SH3BP4: variants seen among roughly 807,000 people sequenced by gnomAD.
SH3BP4 encodes SH3 domain-binding protein 4.
SH3BP4 carries 33 observed loss-of-function variants against 65.5 expected under a neutral mutation model. The ratio of observed to expected loss-of-function variants is 0.50; its 90% CI spans 0.38 to 0.67. The LOEUF is 0.67. SH3BP4 is among the 30% of genes least tolerant of loss of function. The pLI, the probability that SH3BP4 is intolerant of heterozygous loss-of-function variation, is 0.00. For missense variants in SH3BP4, 1,134 were observed against 1,261.4 expected, an observed-to-expected ratio of 0.90 and a Z score of 1.53; for synonymous variants, 552 against 545.5, an observed-to-expected ratio of 1.01 and a Z score of -0.17.
intron 2 of SH3BP4, among the ~76,000 whole-genome samples, chr2:235,011,315 C>T (rs1362442367): frequency 6.6e-6 from 1 of 152,216 alleles, no homozygotes; most frequent in Non-Finnish European, 1.5e-5. Context: ...AAATATCTGC[C>T]TTCATTGTTA....
chr2:234,962,936 GAC>G (rs2106241650), intron 1 of SH3BP4, among the ~76,000 whole-genome samples: 1 of 152,000 alleles, frequency 6.6e-6, no homozygotes, highest in East Asian at 1.9e-4. Flanking sequence ...TTTTAGTAGA[GAC>G]ACAGTTTCAC....
intron 2 of SH3BP4, chr2:235,008,603 G>T (rs1295384944): frequency 6.6e-6 from 1 of 152,114 alleles, no homozygotes; most frequent in Non-Finnish European, 1.5e-5. Flanking sequence ...CTTGGTTCTG[G>T]CAGTGTCCTC....
At chr2:235,039,775 A>G (rs1249129592) in intron 3 of SH3BP4, among the ~76,000 whole-genome samples, 3 of 152,208 alleles carry the variant, frequency 2.0e-5, no homozygotes, top group African/African-American at 7.2e-5. Context: ...TACAGAGTTC[A>G]ATGGCAGGAG....
At position 234,974,127 on chromosome 2, in the gene SH3BP4, A is replaced by G. The variant is rs975937280; in HGVS notation, c.-206-21176A>G. ...ACCCCTGTAATCCCAGCACTTTGGG[A>G]GGCCGAGGCAGGTGGATCACCTGAG... is the stretch of plus-strand genomic sequence containing the variant. On this transcript the variant is annotated intron_variant, in intron 1 of 5. Coordinates refer to ENST00000392011, the MANE Select transcript of SH3BP4 (RefSeq NM_014521.3). This position sits in a 1 kb window ranked among gnomAD's most constrained non-coding sequence, Gnocchi z 4.6. 6.6e-6 allele frequency among the ~76,000 whole-genome samples: 1 copy of G among 152,086 alleles called. No homozygotes were observed. Among genetic ancestry groups the G allele is most frequent in the East Asian group, 2.0e-4 (1 of 5,122 alleles).
chr2:235,042,983 G>A lies in SH3BP4; in HGVS notation c.2214G>A (p.Ser738=), dbSNP rs768084091. The part of the protein sequence containing the change: ...SLCSGPELST[S]VLLEQILRPC... ...GCTCGGGCCCCGAGCTGAGCACCTC[G>A]GTGCTGCTGGAGCAGATCCTGCGGC... The change falls in exon 4 of 6, where the codon TCG becomes TCA. Residue 738 remains serine (S), a synonymous_variant. Coordinates refer to ENST00000392011, the MANE Select transcript of SH3BP4 (RefSeq NM_014521.3). This position sits in a 1 kb window ranked among gnomAD's most constrained non-coding sequence, Gnocchi z 7.3. 35 of 1,612,206 alleles carry A rather than the reference G, an allele frequency of 2.2e-5. No individual in the cohort carries two copies. Among genetic ancestry groups the A allele is most frequent in the East Asian group, 4.5e-5 (2 of 44,808 alleles).
Position 235,034,885 on chromosome 2 carries a change from C to A in SH3BP4, c.-118C>A. The stretch of plus-strand genomic sequence containing the variant: ...TCTACTTTCAGGAAGAAACATATTG[C>A]CGAGTGGATGCCGCCGCGCAGCGTG... On this transcript the variant is annotated 5_prime_UTR_variant, in exon 3 of 6. Coordinates refer to ENST00000392011, the MANE Select transcript of SH3BP4 (RefSeq NM_014521.3). This position sits in a 1 kb window ranked among gnomAD's most constrained non-coding sequence, Gnocchi z 6.2. 2 of 772,818 alleles carry A rather than the reference C, an allele frequency of 2.6e-6. No individual in the cohort carries two copies. Among genetic ancestry groups the A allele is most frequent in the Admixed American group, 4.8e-5 (2 of 41,270 alleles). 47.9% of individuals were successfully genotyped at this position (772,818 alleles called of 1,614,324 possible). A position where few individuals can be genotyped will look rare whatever the true frequency, so the allele number is the denominator to read the frequency against.
intron 1 of SH3BP4, among the ~76,000 whole-genome samples, chr2:234,953,501 A>G (rs1692522604): frequency 6.6e-6 from 1 of 152,100 alleles, no homozygotes; most frequent in African/African-American, 2.4e-5. Flanking sequence ...GCTTTCCTTG[A>G]GATCCGTGGC....
At chr2:235,010,415 C>T (rs992863162) in intron 2 of SH3BP4, among the ~76,000 whole-genome samples, 1 of 152,180 alleles carries the variant, frequency 6.6e-6, no homozygotes, top group Non-Finnish European at 1.5e-5. Flanking sequence ...GGCTGGAAAA[C>T]CTTGGACAAG....
intron 2 of SH3BP4, among the ~76,000 whole-genome samples, chr2:235,032,716 T>C (rs1371496845): frequency 6.6e-6 from 1 of 151,788 alleles, no homozygotes; most frequent in Non-Finnish European, 1.5e-5. Context: ...GCGAGGGTGC[T>C]GTGCCGTCAG....
chr2:235,012,599 C>T (rs149467620), intron 2 of SH3BP4, among the ~76,000 whole-genome samples: 2 of 152,196 alleles, frequency 1.3e-5, no homozygotes, highest in South Asian at 2.1e-4. Flanking sequence ...CCCCAAGCCT[C>T]GCTCATAGTT....
chr2:234,985,345 G>A (rs1416600724), intron 1 of SH3BP4, among the ~76,000 whole-genome samples: 5 of 152,090 alleles, frequency 3.3e-5, no homozygotes, highest in Admixed American at 1.3e-4. Flanking sequence ...TCATTGTGGC[G>A]GAAGCTGTTT....
At chr2:234,972,132 T>C (rs1693019992) in intron 1 of SH3BP4, among the ~76,000 whole-genome samples, 1 of 137,832 alleles carries the variant, frequency 7.3e-6, no homozygotes, top group Non-Finnish European at 1.5e-5. Context: ...TTTTTGTTTT[T>C]TGTTTTTTTT....
chr2:234,998,690 C>A (rs1360254101), intron 2 of SH3BP4, among the ~76,000 whole-genome samples: 1 of 152,214 alleles, frequency 6.6e-6, no homozygotes, highest in Non-Finnish European at 1.5e-5. Context: ...GGAAGAGCAC[C>A]CTGTACTCAC....
At position 234,952,214 on chromosome 2, in the gene SH3BP4, G is replaced by A. The variant is rs1335099359; in HGVS notation, c.-207+44G>A. On this transcript the variant is annotated intron_variant, in intron 1 of 5. Coordinates refer to ENST00000392011, the MANE Select transcript of SH3BP4 (RefSeq NM_014521.3). This position sits in a 1 kb window ranked among gnomAD's most constrained non-coding sequence, Gnocchi z 6.5. ...GGAGCGCCTCGGGCGGCAGGGCCCT[G>A]GGGGCCGGCGGGGGCGCGGGGTCGT... is the stretch of plus-strand genomic sequence containing the variant. 15 of 149,974 alleles carry A rather than the reference G, an allele frequency of 1.0e-4. No homozygotes were observed. The highest frequency in any genetic ancestry group is 9.3e-4 in the Admixed American group (14 of 15,036). The allele number at this position is 149,974 out of a possible 1,614,324, so 9.3% of individuals were successfully genotyped here. A position where few individuals can be genotyped will look rare whatever the true frequency, so the allele number is the denominator to read the frequency against.
In SH3BP4 at chr2:234,978,464, C is replaced by T. The variant is rs1693241848; in HGVS notation, c.-206-16839C>T. Among the ~76,000 whole-genome samples, 1 of 152,200 alleles carries T rather than the reference C, an allele frequency of 6.6e-6. No homozygotes were observed. The highest frequency in any genetic ancestry group is 1.5e-5 in the Non-Finnish European group (1 of 68,036). ...CCTGCGCCCCACACTGCCCCAAGGC[C>T]CCACTGGTCATCCGTCCAGCACTCT... On this transcript the variant is annotated intron_variant, in intron 1 of 5. Transcript: ENST00000392011. The surrounding 1 kb of genome is among the most constrained non-coding windows in gnomAD (Gnocchi z 4.1).
At chr2:235,014,729 G>A (rs1362183988) in intron 2 of SH3BP4, among the ~76,000 whole-genome samples, 1 of 152,046 alleles carries the variant, frequency 6.6e-6, no homozygotes, top group East Asian at 1.9e-4. Flanking sequence ...ATCTCTCTGT[G>A]TCCACATTTC....
At chr2:235,012,758 C>T (rs569404351) in intron 2 of SH3BP4, among the ~76,000 whole-genome samples, 43 of 152,342 alleles carry the variant, frequency 2.8e-4, no homozygotes, top group African/African-American at 1.0e-3. Context: ...CACTTCTAAC[C>T]CCAACATGCA....
chr2:234,960,826 AGTT>A lies in SH3BP4; in HGVS notation c.-207+8662_-207+8664del, dbSNP rs146862803. Reference sequence around the variant, plus strand: ...AAACAGCCTGATTTGCAAAACTGAAAGTTGTTGTATGGAGGAAGATCCTTGGTA... The same window carrying A: ...AAACAGCCTGATTTGCAAAACTGAAAGTTGTATGGAGGAAGATCCTTGGTA... On this transcript the variant is annotated intron_variant, in intron 1 of 5. Coordinates refer to ENST00000392011, the MANE Select transcript of SH3BP4 (RefSeq NM_014521.3). 5.1e-3 allele frequency among the ~76,000 whole-genome samples: 776 copies of A among 152,296 alleles called. 5 individuals are homozygous for A. The highest frequency in any genetic ancestry group is 0.018 in the African/African-American group (734 of 41,566).
In SH3BP4 at chr2:234,991,007, T is replaced by G. The variant is rs368629394; in HGVS notation, c.-206-4296T>G. On this transcript the variant is annotated intron_variant, in intron 1 of 5. Coordinates refer to ENST00000392011, the MANE Select transcript of SH3BP4 (RefSeq NM_014521.3). The surrounding 1 kb of genome is among the most constrained non-coding windows in gnomAD (Gnocchi z 4.2). ...ATAAAGTCACTGGGTCATATTGGACTGGGGCCCACCCTGGTAATCTCACTT... is the reference window on the plus strand; with the variant it reads ...ATAAAGTCACTGGGTCATATTGGACGGGGGCCCACCCTGGTAATCTCACTT... Among the ~76,000 whole-genome samples the G allele has an allele frequency of 9.2e-5, 14 of 152,340 alleles. No individual in the cohort carries two copies. The East Asian group carries it at 2.1e-3, about 23-fold the overall frequency.
Sources: allele counts gnomAD v4.1 joint callset (sites outside exome capture counted in the v4.1 genomes callset), GRCh38; gene constraint gnomAD v4.1.1; non-coding constraint Gnocchi (gnomAD v3.1); transcripts MANE v1.5; gene names NCBI Gene and HGNC (gene_info 2026-07-23, HGNC 2026-07-21).